The following SCGN variants were observed in gnomAD, a reference collection of about 807,000 sequenced individuals.
SCGN encodes the protein secretagogin.
SCGN carries 30 observed loss-of-function variants against 39.7 expected under a neutral mutation model. The observed-to-expected ratio is 0.76, with a 90% CI of 0.57 to 1.03. The LOEUF (loss-of-function observed/expected upper bound fraction) is 1.03, where lower values mean the gene tolerates loss of function less well. Among genes scored for constraint, SCGN ranks in the 50% least tolerant of loss-of-function variants. SCGN has a pLI of 0.00. For synonymous variants in SCGN, 106 were observed against 114.1 expected (o/e 0.93, Z 0.45); for missense variants, 353 against 349.4 (o/e 1.01, Z -0.08).
chr6:25,677,244 CTCTG>C (rs1439620773), intron 6 of SCGN, among the ~76,000 whole-genome samples: 1 of 152,152 alleles, frequency 6.6e-6, no homozygotes, highest in Admixed American at 6.5e-5. Flanking sequence ...TGTCACATTG[CTCTG>C]TCTCTTTTTC....
At chr6:25,695,672 A>T (rs1420728577) in intron 10 of SCGN, among the ~76,000 whole-genome samples, 1 of 152,160 alleles carries the variant, frequency 6.6e-6, no homozygotes, top group East Asian at 1.9e-4. Context: ...TGGGATTCAC[A>T]GGTGCATGCC....
At position 25,665,793 on chromosome 6, in the gene SCGN, TG is replaced by T. The variant is rs551510785; in HGVS notation, c.336+762del. On this transcript the variant is annotated intron_variant, in intron 4 of 10. Coordinates refer to ENST00000377961, the MANE Select transcript of SCGN (RefSeq NM_006998.4). Reference sequence around the variant, plus strand: ...CACAGAAGAAATTCTGAATGGACCATGAATTTATGCCAGTAACTCAGGAAAT... The same window carrying T: ...CACAGAAGAAATTCTGAATGGACCATAATTTATGCCAGTAACTCAGGAAAT... Among the ~76,000 whole-genome samples the T allele has an allele frequency of 1.2e-4, 19 of 152,348 alleles. No homozygotes were observed. In the South Asian group the frequency reaches 3.7e-3, roughly 30 times the overall value.
At chr6:25,700,410 C>T (rs191608091) in intron 10 of SCGN, among the ~76,000 whole-genome samples, 75 of 152,206 alleles carry the variant, frequency 4.9e-4, no homozygotes, top group Middle Eastern at 3.4e-3. Context: ...AATGAGCACT[C>T]AATTGGAATC....
At chr6:25,676,446 T>C (rs1430252748) in intron 6 of SCGN, among the ~76,000 whole-genome samples, 2 of 152,228 alleles carry the variant, frequency 1.3e-5, no homozygotes. Flanking sequence ...CCAGTCCTAG[T>C]CTTGCCACAC....
At chr6:25,653,220 C>T (rs553048481) in intron 1 of SCGN, among the ~76,000 whole-genome samples, 162 bp from the exon 2 acceptor site, 33 of 152,150 alleles carry the variant, frequency 2.2e-4, no homozygotes, top group African/African-American at 6.5e-4. Context: ...CTGTTCAAAC[C>T]CATGTATTCT....
intron 10 of SCGN, among the ~76,000 whole-genome samples, chr6:25,693,525 C>T (rs1759800948): frequency 6.8e-6 from 1 of 147,794 alleles, no homozygotes; most frequent in Admixed American, 6.7e-5. Flanking sequence ...GAATAGTTAG[C>T]ATTTGAAAGA....
At chr6:25,677,889 G>A (rs1759586094) in intron 6 of SCGN, among the ~76,000 whole-genome samples, 2 of 152,118 alleles carry the variant, frequency 1.3e-5, no homozygotes, top group Admixed American at 6.6e-5. Context: ...GTTGTACTTC[G>A]AATCTATTGT....
intron 4 of SCGN, among the ~76,000 whole-genome samples, chr6:25,669,077 G>C (rs2064125): frequency 0.29 from 43,106 of 148,674 alleles, 6,258 homozygotes; most frequent in African/African-American, 0.33. Flanking sequence ...CGCCACTGCA[G>C]TCCAGCCTGG....
chr6:25,663,758 G>A (rs1418525764), intron 3 of SCGN, among the ~76,000 whole-genome samples: 1 of 152,240 alleles, frequency 6.6e-6, no homozygotes, highest in Non-Finnish European at 1.5e-5. Context: ...AGGACTTAAT[G>A]AGATGATAAA....
chr6:25,700,545 A>G (rs565033901), intron 10 of SCGN, among the ~76,000 whole-genome samples: 13 of 152,270 alleles, frequency 8.5e-5, no homozygotes, highest in East Asian at 5.8e-4. Context: ...TCTGTTTCCT[A>G]ATTTGTAAAA....
rs140028155 is a variant in SCGN, at chr6:25,683,164, A to C, written c.527+1158A>C. ...GAGGGACCAGCCAAAGAGGGACAAA[A>C]GTGTTTCTCCATCAGGCCTGCGGCA... On this transcript the variant is annotated intron_variant, in intron 7 of 10. Coordinates refer to ENST00000377961, the MANE Select transcript of SCGN (RefSeq NM_006998.4). Among the ~76,000 whole-genome samples, 23 of 152,266 alleles carry C rather than the reference A, an allele frequency of 1.5e-4. No individual in the cohort carries two copies. The East Asian group carries it at 4.2e-3, about 28-fold the overall frequency.
At chr6:25,684,465 T>C (rs1413416074) in intron 7 of SCGN, among the ~76,000 whole-genome samples, 3 of 152,068 alleles carry the variant, frequency 2.0e-5, no homozygotes, top group African/African-American at 7.2e-5. Context: ...TGATACGGAA[T>C]TTGAAAATGT....
intron 3 of SCGN, 71 bp downstream of exon 3, chr6:25,661,715 G>T (rs1019591484): frequency 9.9e-7 from 1 of 1,014,326 alleles, no homozygotes; most frequent in South Asian, 1.4e-5. Context: ...TTATCGTCTT[G>T]GGCTGTAATA....
At chr6:25,682,254 T>C (rs1256383481) in intron 7 of SCGN, among the ~76,000 whole-genome samples, 1 of 152,202 alleles carries the variant, frequency 6.6e-6, no homozygotes, top group Admixed American at 6.5e-5. Context: ...GGATGGGTCA[T>C]GGGAAGACCC....
chr6:25,656,473 C>T (rs191586105), intron 2 of SCGN, among the ~76,000 whole-genome samples: 2 of 152,292 alleles, frequency 1.3e-5, no homozygotes, highest in East Asian at 3.9e-4. Context: ...TTAATGGAAC[C>T]ATCAGCTGCA....
At chr6:25,659,669 G>A (rs987713504) in intron 2 of SCGN, among the ~76,000 whole-genome samples, 2 of 152,176 alleles carry the variant, frequency 1.3e-5, no homozygotes, top group Non-Finnish European at 2.9e-5. Context: ...GTCTTCATAT[G>A]TTAAGATCTG....
At chr6:25,681,644 C>T (rs753973217) in intron 6 of SCGN, among the ~76,000 whole-genome samples, 4 of 152,206 alleles carry the variant, frequency 2.6e-5, no homozygotes, top group Non-Finnish European at 5.9e-5. Context: ...ATGGTCACTA[C>T]TTTGTCACTC....
chr6:25,688,319 A>T (rs984723999), intron 7 of SCGN, among the ~76,000 whole-genome samples: 6 of 152,086 alleles, frequency 3.9e-5, no homozygotes, highest in Admixed American at 1.3e-4. Flanking sequence ...AATTCTATGA[A>T]GTCTATATTC....
At chr6:25,685,610 C>T (rs1448845469) in intron 7 of SCGN, among the ~76,000 whole-genome samples, 1 of 151,844 alleles carries the variant, frequency 6.6e-6, no homozygotes, top group Non-Finnish European at 1.5e-5. Context: ...CAACATAAAT[C>T]TAATGTTGAA....
Sources: gnomAD v4.1 joint callset for allele counts (sites outside exome capture counted in the v4.1 genomes callset) on GRCh38, gnomAD v4.1.1 for gene constraint, MANE v1.5 for transcripts, NCBI Gene and HGNC (gene_info 2026-07-23, HGNC 2026-07-21) for gene names.